Variants in TM7SF3 observed in about 807,000 individuals in gnomAD.
TM7SF3 encodes transmembrane 7 superfamily member 3, also known as seven span transmembrane protein.
A neutral mutation model predicts 65.5 loss-of-function variants in TM7SF3; 60 were observed. That is an observed-to-expected ratio of 0.92 (90% CI 0.74 to 1.14). The LOEUF (loss-of-function observed/expected upper bound fraction) is 1.14. Among genes scored for constraint, TM7SF3 ranks in the 50% most tolerant of loss-of-function variants. The pLI, the probability that TM7SF3 is intolerant of heterozygous loss-of-function variation, is 0.00. For synonymous variants in TM7SF3, 264 were observed against 259.6 expected (o/e 1.02, Z -0.16); for missense variants, 623 against 684.8 (o/e 0.91, Z 1.01).
chr12:26,988,672 T>TTGTG (rs147021582), intron 6 of TM7SF3, among the ~76,000 whole-genome samples: 3,406 of 146,270 alleles, frequency 0.023, 46 homozygotes, highest in African/African-American at 0.038. Context: ...GAGAAGAAAA[T>TTGTG]TGTGTGTGTG....
chr12:26,981,646 T>A (rs941582441), intron 7 of TM7SF3, among the ~76,000 whole-genome samples: 5 of 152,174 alleles, frequency 3.3e-5, no homozygotes, highest in African/African-American at 1.2e-4. Flanking sequence ...ATAAAAAAAG[T>A]GTCATAATAG....
At chr12:27,008,101 T>G (rs374839343) in intron 1 of TM7SF3, among the ~76,000 whole-genome samples, 1 of 151,804 alleles carries the variant, frequency 6.6e-6, no homozygotes, top group African/African-American at 2.4e-5. Context: ...GGTAATAGGG[T>G]ATTCTCATCT....
At chr12:26,984,791 C>T (rs549045033) in intron 6 of TM7SF3, among the ~76,000 whole-genome samples, 7 of 152,052 alleles carry the variant, frequency 4.6e-5, no homozygotes, top group East Asian at 3.9e-4. Flanking sequence ...GCAGAATCTA[C>T]GATAAAACAA....
intron 3 of TM7SF3, among the ~76,000 whole-genome samples, chr12:26,997,474 T>G (rs1375332926): frequency 6.6e-6 from 1 of 152,158 alleles, no homozygotes; most frequent in Non-Finnish European, 1.5e-5. Context: ...CAGCTGAAGC[T>G]CCTCTGTTCA....
chr12:26,981,687 A>C (rs915874254), intron 7 of TM7SF3, among the ~76,000 whole-genome samples: 5 of 152,234 alleles, frequency 3.3e-5, no homozygotes, highest in Non-Finnish European at 7.3e-5. Flanking sequence ...CAAACAATTT[A>C]ACATAAGTTT....
intron 6 of TM7SF3, among the ~76,000 whole-genome samples, chr12:26,986,610 C>T (rs908202095): frequency 7.9e-5 from 12 of 151,954 alleles, no homozygotes; most frequent in East Asian, 1.9e-4. Context: ...TCTTTAACAG[C>T]GGGATACGGC....
At chr12:26,994,251 A>C (rs1940495827) in intron 5 of TM7SF3, among the ~76,000 whole-genome samples, 1 of 152,200 alleles carries the variant, frequency 6.6e-6, no homozygotes, top group South Asian at 2.1e-4. Context: ...TCCACCCATC[A>C]ACCATTAGAC....
At chr12:26,974,699 C>A (rs1204129428) in intron 11 of TM7SF3, among the ~76,000 whole-genome samples, 1 of 152,170 alleles carries the variant, frequency 6.6e-6, no homozygotes, top group Non-Finnish European at 1.5e-5. Flanking sequence ...AAAGATTCAA[C>A]CAATCGTACT....
intron 1 of TM7SF3, chr12:27,012,814 A>G (rs1941295855): frequency 2.3e-6 from 1 of 433,090 alleles, no homozygotes; most frequent in African/African-American, 2.0e-5. Flanking sequence ...CCTGAACAAC[A>G]TGGTGAAACC....
rs749114403 is a variant in TM7SF3, at chr12:26,999,615, G to C, written c.308C>G (p.Pro103Arg). ...TASGLVFILR[P>R]EQSTCTWYLG... is the part of the protein sequence containing the mutation. ...GTACCAAGTGCATGTACTCTGCTCT[G>C]GTCTAAGGATGAAAACCAGTCCACT... is the stretch of plus-strand genomic sequence containing the variant. The change falls in exon 3 of 12, where the codon CCA becomes CGA. Residue 103 changes from proline to arginine, a missense_variant. Transcript: ENST00000343028. 35 of 1,613,968 alleles carry C rather than the reference G, an allele frequency of 2.2e-5. No homozygotes were observed. In the African/African-American group the frequency reaches 4.5e-4, roughly 21 times the overall value.
At position 26,996,745 on chromosome 12, in the gene TM7SF3, G is replaced by GC; in HGVS notation, c.514dup (p.Ala172GlyfsTer10). On this transcript the variant is annotated frameshift_variant, in exon 4 of 12. Transcript: ENST00000343028. LOFTEE classifies it high-confidence loss of function. ...CAGACATGGGAGACAGACGTACCTC[G>GC]CATAGCCTAGGTTTGCTGGGGCAAA... The GC allele has an allele frequency of 6.2e-7, 1 of 1,610,444 alleles. No homozygotes were observed. The highest frequency in any genetic ancestry group is 8.5e-7 in the Non-Finnish European group (1 of 1,178,790).
intron 8 of TM7SF3, chr12:26,980,193 G>A (rs1939756061): frequency 8.7e-6 from 5 of 573,008 alleles, no homozygotes; most frequent in Non-Finnish European, 1.5e-5. Flanking sequence ...TTGGGATTGA[G>A]AAGGAAAAGT....
At chr12:26,985,621 C>CAAAAAAAAAAAA (rs544145636) in intron 6 of TM7SF3, among the ~76,000 whole-genome samples, 1 of 61,066 alleles carries the variant, frequency 1.6e-5, no homozygotes, top group Non-Finnish European at 2.9e-5. Context: ...GTGAGACTGT[C>CAAAAAAAAAAAA]AAAAAAAAAA....
chr12:26,998,053 C>T (rs1014454332), intron 3 of TM7SF3, among the ~76,000 whole-genome samples: 2 of 151,768 alleles, frequency 1.3e-5, no homozygotes, highest in Non-Finnish European at 2.9e-5. Context: ...CTCAAACTCC[C>T]GATTATATAA....
At position 26,973,989 on chromosome 12, in the gene TM7SF3, T is replaced by A; in HGVS notation, c.1689A>T (p.Gly563=). 4 of 1,614,194 alleles carry A rather than the reference T, an allele frequency of 2.5e-6. No homozygotes were observed. Among genetic ancestry groups the A allele is most frequent in the Non-Finnish European group, 2.5e-6 (3 of 1,180,038 alleles). The change falls in exon 12 of 12, where the codon GGA becomes GGT. Residue 563 remains glycine, a synonymous_variant. Transcript: ENST00000343028. The part of the protein sequence containing the change: ...KGLFQKEQPA[G]ERTPLLL The stretch of plus-strand genomic sequence containing the variant: ...TCTACAGAAGCAAAGGCGTTCTCTC[T>A]CCAGCTGGCTGCTCCTTCTGGAAGA...
intron 1 of TM7SF3, among the ~76,000 whole-genome samples, chr12:27,010,324 C>A (rs1941197935): frequency 1.3e-5 from 2 of 152,196 alleles, no homozygotes; most frequent in Non-Finnish European, 2.9e-5. Context: ...GCACTCAGAG[C>A]AGCCCTACGA....
rs1349627246 is a variant in TM7SF3 at position 26,975,435 on chromosome 12, C to T, written c.1450+61G>A. On this transcript the variant is annotated intron_variant, in intron 11 of 11. Transcript: ENST00000343028. Reference sequence around the variant, plus strand: ...TTTAGTTTCCAAGTGCTCTGGTTAGCATAGGTGGGTCAAGACTCCTACTGT... The same window carrying T: ...TTTAGTTTCCAAGTGCTCTGGTTAGTATAGGTGGGTCAAGACTCCTACTGT... 6 of 1,578,878 alleles carry T rather than the reference C, an allele frequency of 3.8e-6. No homozygotes were observed. The Admixed American group carries it at 5.1e-5, about 13-fold the overall frequency.
Position 26,979,629 on chromosome 12 carries a change from C to T in TM7SF3, c.1189+155G>A, listed in dbSNP as rs1939722007. 3 of 752,670 alleles carry T rather than the reference C, an allele frequency of 4.0e-6. No individual in the cohort carries two copies. In the South Asian group the frequency reaches 5.5e-5, roughly 14 times the overall value. 46.6% of individuals were successfully genotyped at this position (752,670 alleles called of 1,614,324 possible). On this transcript the variant is annotated intron_variant, in intron 9 of 11. Transcript: ENST00000343028. ...GAGGAAGGAGGGACTTTTACTAGTC[C>T]TGGTGCTGTCTGAAAGTGTCACACC... is the stretch of plus-strand genomic sequence containing the variant.
intron 9 of TM7SF3, among the ~76,000 whole-genome samples, chr12:26,976,984 G>A (rs1322785993): frequency 1.3e-5 from 2 of 152,148 alleles, no homozygotes; most frequent in Non-Finnish European, 2.9e-5. Flanking sequence ...AACTTAGGCC[G>A]ACCCAGAACA....
Sources: allele counts gnomAD v4.1 joint callset (sites outside exome capture counted in the v4.1 genomes callset), GRCh38; gene constraint gnomAD v4.1.1; transcripts MANE v1.5; gene names NCBI Gene and HGNC (gene_info 2026-07-23, HGNC 2026-07-21).